The following TRAPPC2 variants were observed in gnomAD, a reference collection of about 807,000 sequenced individuals.
The protein encoded by TRAPPC2 is sedlin.
In TRAPPC2, 4 loss-of-function variants were observed where a neutral mutation model predicts 10.0. The ratio of observed to expected loss-of-function variants is 0.40; its 90% CI spans 0.20 to 0.92. The LOEUF (loss-of-function observed/expected upper bound fraction) is 0.92, where lower values mean the gene tolerates loss of function less well. Among genes scored for constraint, TRAPPC2 ranks in the 40% least tolerant of loss-of-function variants. The probability of loss-of-function intolerance (pLI) is 0.35; values close to 1 mark genes in which losing one functional copy is unlikely to be tolerated. For synonymous variants in TRAPPC2, 36 were observed against 37.3 expected (o/e 0.97, Z 0.12); for missense variants, 52 against 108.7 (o/e 0.48, Z 2.32).
intron 2 of TRAPPC2, among the ~76,000 whole-genome samples, chrX:13,726,125 A>G (rs1379404310): frequency 1.2e-4 from 13 of 112,522 alleles, no homozygotes; most frequent in African/African-American, 3.6e-4. Flanking sequence ...GACCAAATCT[A>G]CGTTTGACTG....
intron 2 of TRAPPC2, among the ~76,000 whole-genome samples, chrX:13,728,231 T>A (rs2046596667): frequency 8.9e-6 from 1 of 111,835 alleles, no homozygotes; most frequent in South Asian, 3.7e-4. Context: ...AAAGAGGGAA[T>A]CCTCCCTAAC....
In TRAPPC2 at chrX:13,719,981, T is replaced by C. The variant is rs1413504608; in HGVS notation, c.-18A>G. On this transcript the variant is annotated splice_region_variant and 5_prime_UTR_variant, in exon 3 of 6. Transcript: ENST00000380579. ...CCAGACATGGTCTTCAATATATGGC[T>C]CCTAATTAAGTGAAAAATAGTACAT... The C allele has an allele frequency of 9.0e-7, 1 of 1,109,790 alleles. No individual in the cohort carries two copies. Among genetic ancestry groups the C allele is most frequent in the Non-Finnish European group, 1.2e-6 (1 of 834,139 alleles). The allele number at this position is 1,109,790 out of a possible 1,213,427, so 91.5% of individuals were successfully genotyped here.
intron 2 of TRAPPC2, among the ~76,000 whole-genome samples, chrX:13,724,589 G>A (rs896429198): frequency 4.4e-4 from 49 of 111,454 alleles, no homozygotes; most frequent in South Asian, 3.7e-4. Flanking sequence ...GGCAGGCTGC[G>A]AACCTCAAGA....
At chrX:13,725,258 G>A (rs1219984738) in intron 2 of TRAPPC2, among the ~76,000 whole-genome samples, 1 of 113,003 alleles carries the variant, frequency 8.8e-6, no homozygotes, top group Non-Finnish European at 1.9e-5. Context: ...CTCCCCCAAC[G>A]TGGTGCTTGA....
At chrX:13,726,003 G>A (rs1048268499) in intron 2 of TRAPPC2, among the ~76,000 whole-genome samples, 7 of 111,663 alleles carry the variant, frequency 6.3e-5, no homozygotes, top group African/African-American at 2.3e-4. Context: ...AGAAGAAAGG[G>A]TATCAGTGAT....
chrX:13,725,216 T>C (rs949239341), intron 2 of TRAPPC2, among the ~76,000 whole-genome samples: 1 of 112,890 alleles, frequency 8.9e-6, no homozygotes, highest in African/African-American at 3.2e-5. Context: ...GACTTAAACA[T>C]CCCTGTCTGA....
chrX:13,723,786 T>C (rs1256438980), intron 2 of TRAPPC2, among the ~76,000 whole-genome samples: 1 of 109,915 alleles, frequency 9.1e-6, no homozygotes, highest in African/African-American at 3.3e-5. Flanking sequence ...CTAGCTGAGG[T>C]GAACAAGCAG....
rs772302164 is a variant in TRAPPC2 at position 13,724,400 on chromosome X, T to TAAAAA, written c.-19-4423_-19-4419dup. Reference sequence around the variant, plus strand: ...TGAGTTGAAGTGTGTAATATATATTTAAAAAAAAAAAAAAAAAAAGAGGCT... The same window carrying TAAAAA: ...TGAGTTGAAGTGTGTAATATATATTTAAAAAAAAAAAAAAAAAAAAAAAAGAGGCT... On this transcript the variant is annotated intron_variant, in intron 2 of 5. Coordinates refer to ENST00000380579, the MANE Select transcript of TRAPPC2 (RefSeq NM_001011658.4). Among the ~76,000 whole-genome samples, 379 of 82,286 alleles carry TAAAAA rather than the reference T, an allele frequency of 4.6e-3. 1 individual carries two copies. Among genetic ancestry groups the TAAAAA allele is most frequent in the African/African-American group, 0.016 (363 of 22,131 alleles). 71.5% of individuals were successfully genotyped at this position (82,286 alleles called of 115,157 possible).
At chrX:13,724,181 T>C (rs761122629) in intron 2 of TRAPPC2, among the ~76,000 whole-genome samples, 2 of 110,868 alleles carry the variant, frequency 1.8e-5, no homozygotes, top group Non-Finnish European at 3.8e-5. Context: ...CTGTCTTCAG[T>C]GGCTAGGGAA....
rs749390791 is a variant in TRAPPC2 at position 13,724,137 on chromosome X, G to C, written c.-19-4155C>G. 4.5e-5 allele frequency among the ~76,000 whole-genome samples: 5 copies of C among 111,246 alleles called. No individual in the cohort carries two copies. The East Asian group carries it at 8.5e-4, about 19-fold the overall frequency. On this transcript the variant is annotated intron_variant, in intron 2 of 5. Coordinates refer to ENST00000380579, the MANE Select transcript of TRAPPC2 (RefSeq NM_001011658.4). ...AGATTCTTGTTTGGCTCTCAAGTGA[G>C]AGCCAGAACTCTCACTTGTGGTGGA... is the stretch of plus-strand genomic sequence containing the variant.
chrX:13,716,203 G>A, intron 4 of TRAPPC2, 114 bp from the exon 5 acceptor site: 1 of 836,359 alleles, frequency 1.2e-6, no homozygotes, highest in Non-Finnish European at 1.6e-6. Flanking sequence ...TGGAAAAGTT[G>A]AATATATAAA....
At chrX:13,732,559 C>G (rs1449696559) in intron 2 of TRAPPC2, among the ~76,000 whole-genome samples, 2 of 112,602 alleles carry the variant, frequency 1.8e-5, no homozygotes, top group Non-Finnish European at 1.9e-5. Flanking sequence ...TCCATGTCTG[C>G]TATGAATTTG....
At chrX:13,717,723 G>A (rs2046327519) in intron 3 of TRAPPC2, among the ~76,000 whole-genome samples, 1 of 111,590 alleles carries the variant, frequency 9.0e-6, no homozygotes, top group Non-Finnish European at 1.9e-5. Flanking sequence ...TGGGGGACAA[G>A]AGCAAAACTC....
At chrX:13,719,135 C>T (rs958424556) in intron 3 of TRAPPC2, among the ~76,000 whole-genome samples, 5 of 110,430 alleles carry the variant, frequency 4.5e-5, no homozygotes, top group East Asian at 2.8e-4. Flanking sequence ...CCAGTCTGGG[C>T]GACAGAGCAA....
intron 2 of TRAPPC2, among the ~76,000 whole-genome samples, chrX:13,724,964 G>C (rs1000979351): frequency 1.8e-5 from 2 of 113,329 alleles, no homozygotes; most frequent in Admixed American, 1.9e-4. Flanking sequence ...TGCCTGGCTC[G>C]GCAGGTCCCA....
chrX:13,733,845 G>A (rs2046739593), intron 2 of TRAPPC2, among the ~76,000 whole-genome samples, 199 bp downstream of exon 2: 1 of 109,856 alleles, frequency 9.1e-6, no homozygotes, highest in Non-Finnish European at 1.9e-5. Flanking sequence ...TCAAGGCCCC[G>A]ATAAAGACAC....
chrX:13,730,641 A>G (rs2046655636), intron 2 of TRAPPC2, among the ~76,000 whole-genome samples: 1 of 111,777 alleles, frequency 8.9e-6, no homozygotes, highest in East Asian at 2.8e-4. Flanking sequence ...GGCACTATTC[A>G]CAATAGCAAA....
chrX:13,719,835 C>T, intron 3 of TRAPPC2, 36 bp downstream of exon 3: 1 of 960,004 alleles, frequency 1.0e-6, no homozygotes, highest in Non-Finnish European at 1.5e-6. Context: ...TCATATTATA[C>T]CATATCATTA....
chrX:13,715,634 A>G (rs1258346220), intron 5 of TRAPPC2: 1 of 193,981 alleles, frequency 5.2e-6, no homozygotes, highest in Non-Finnish European at 8.2e-6. Flanking sequence ...TTGCACTGTA[A>G]CTTATTTGTA....
Sources: allele counts gnomAD v4.1 joint callset (sites outside exome capture counted in the v4.1 genomes callset), GRCh38; gene constraint gnomAD v4.1.1; transcripts MANE v1.5; gene names NCBI Gene and HGNC (gene_info 2026-07-23, HGNC 2026-07-21).